PLCG2: variants seen among roughly 807,000 people sequenced by gnomAD.
The protein encoded by PLCG2 is 1-phosphatidylinositol 4,5-bisphosphate phosphodiesterase gamma-2.
Under a neutral mutation model 175.6 loss-of-function variants are expected in PLCG2, and 69 were observed. The ratio of observed to expected loss-of-function variants is 0.39; its 90% CI spans 0.32 to 0.48. The LOEUF (loss-of-function observed/expected upper bound fraction) is 0.48, where lower values mean the gene tolerates loss of function less well. Ranked by LOEUF, PLCG2 falls within the 20% of genes least tolerant of loss-of-function variation. The pLI is 0.91. For missense variants in PLCG2, 1,798 were observed against 1,650.9 expected, an observed-to-expected ratio of 1.09 and a Z score of -1.54; for synonymous variants, 827 against 624.0, an observed-to-expected ratio of 1.33 and a Z score of -4.85.
At chr16:81,835,918 C>T (rs1376802872) in intron 2 of PLCG2, among the ~76,000 whole-genome samples, 1 of 152,118 alleles carries the variant, frequency 6.6e-6, no homozygotes, top group African/African-American at 2.4e-5. Context: ...CCAAATTTCC[C>T]TCTTACAAGG....
At chr16:81,773,904 C>A (rs1333991860) in intron 2 of PLCG2, among the ~76,000 whole-genome samples, 3 of 152,072 alleles carry the variant, frequency 2.0e-5, no homozygotes, top group Non-Finnish European at 4.4e-5. Flanking sequence ...CACTCTGTGC[C>A]CATCATGCAG....
At chr16:81,875,284 C>T (rs1022985975) in intron 7 of PLCG2, among the ~76,000 whole-genome samples, 1 of 152,000 alleles carries the variant, frequency 6.6e-6, no homozygotes, top group East Asian at 1.9e-4. Context: ...GTTTTGTATA[C>T]ATTTAATTCC....
chr16:81,925,142 G>A (rs953647070), intron 22 of PLCG2, among the ~76,000 whole-genome samples: 3 of 152,150 alleles, frequency 2.0e-5, no homozygotes, highest in Non-Finnish European at 2.9e-5. Context: ...TCTGAATTTC[G>A]AAGGCTCTTG....
In PLCG2 at chr16:81,946,897, TA is replaced by T. The variant is rs1911173113; in HGVS notation, c.3570+635del. On this transcript the variant is annotated intron_variant, in intron 31 of 32. Transcript: ENST00000564138. ...CCAGTGAGCATGAAGACCCTTTGCTTAGTGAAGCAGACCCTTTGCTTAGTGA... is the reference window on the plus strand; with the variant it reads ...CCAGTGAGCATGAAGACCCTTTGCTTGTGAAGCAGACCCTTTGCTTAGTGA... Among the ~76,000 whole-genome samples, 8 of 17,384 alleles carry T rather than the reference TA, an allele frequency of 4.6e-4. No individual in the cohort carries two copies. In the South Asian group the frequency reaches 0.024, roughly 52 times the overall value. 11.4% of individuals were successfully genotyped at this position (17,384 alleles called of 152,430 possible).
chr16:81,884,017 T>C (rs560406235), intron 9 of PLCG2, among the ~76,000 whole-genome samples: 1 of 152,224 alleles, frequency 6.6e-6, no homozygotes, highest in Non-Finnish European at 1.5e-5. Context: ...TTCCTAAATA[T>C]CCTACATTGC....
chr16:81,807,000 A>G (rs796544904), intron 2 of PLCG2, among the ~76,000 whole-genome samples: 7 of 152,086 alleles, frequency 4.6e-5, no homozygotes, highest in African/African-American at 1.7e-4. Context: ...TGGATGACGG[A>G]TGACTGATAT....
Position 81,783,889 on chromosome 16 carries a change from T to C in PLCG2, c.-47-2054T>C, listed in dbSNP as rs1488716134. Among the ~76,000 whole-genome samples, 4 of 152,222 alleles carry C rather than the reference T, an allele frequency of 2.6e-5. No homozygotes were observed. The East Asian group carries it at 7.7e-4, about 29-fold the overall frequency. On this transcript the variant is annotated intron_variant, in intron 1 of 32. Coordinates refer to ENST00000564138, the MANE Select transcript of PLCG2 (RefSeq NM_002661.5). ...AGCCTTTGCTTAAACTTAAAGCCAG[T>C]TCCTCCTGCTTCATCTTTTTTGAAA...
intron 2 of PLCG2, among the ~76,000 whole-genome samples, chr16:81,767,235 C>T (rs1597307486): frequency 1.4e-5 from 2 of 142,754 alleles, no homozygotes; most frequent in Non-Finnish European, 3.0e-5. Context: ...ACTTCTGCTT[C>T]CTGGGTTCAA....
chr16:81,909,312 GA>G (rs1301245182), intron 17 of PLCG2, among the ~76,000 whole-genome samples: 1 of 152,166 alleles, frequency 6.6e-6, no homozygotes, highest in African/African-American at 2.4e-5. Flanking sequence ...GAGTTGGGGG[GA>G]TTTGTGAAAG....
At chr16:81,914,834 C>G (rs1909773429) in intron 19 of PLCG2, among the ~76,000 whole-genome samples, 1 of 152,162 alleles carries the variant, frequency 6.6e-6, no homozygotes, top group African/African-American at 2.4e-5. Context: ...GATGGCCGCT[C>G]CCCACCTCAC....
At position 81,816,651 on chromosome 16, in the gene PLCG2, A is replaced by ACTTTTTTTTTTTTTT. The variant is rs1555509092; in HGVS notation, c.193+30469_193+30470insCTTTTTTTTTTTTTT. Among the ~76,000 whole-genome samples, 7 of 108,880 alleles carry ACTTTTTTTTTTTTTT rather than the reference A, an allele frequency of 6.4e-5. 1 individual carries two copies. The highest frequency in any genetic ancestry group is 2.6e-4 in the African/African-American group (7 of 26,504). 71.4% of individuals were successfully genotyped at this position (108,880 alleles called of 152,430 possible). On this transcript the variant is annotated intron_variant, in intron 2 of 32. Transcript: ENST00000564138. ...GCACCACCATGCCCAGCTAATTTTA[A>ACTTTTTTTTTTTTTT]TTTTTTTTTTTTTTTTTTTTTTTTT...
In PLCG2 at chr16:81,938,870, T is replaced by G; in HGVS notation, c.3268T>G (p.Cys1090Gly). 6.2e-7 allele frequency: 1 copy of G among 1,613,436 alleles called. No homozygotes were observed. ...IACPFVEVEI[C>G]GAEYDNNKFK... is the part of the protein sequence containing the mutation. ...CTGTCCCTTTGTAGAAGTGGAGATC[T>G]GTGGAGCCGAGTATGACAACAACAA... Residue 1090 changes from cysteine (C) to glycine (G), a missense_variant, in exon 29 of 33, where the codon TGT becomes GGT. Physicochemically the swap from Cys to Gly is radical, Grantham distance 159. Transcript: ENST00000564138.
chr16:81,903,216 G>A (rs1166586940), intron 14 of PLCG2, among the ~76,000 whole-genome samples: 1 of 152,264 alleles, frequency 6.6e-6, no homozygotes, highest in Non-Finnish European at 1.5e-5. Context: ...ACACAAGGGT[G>A]TGGTGGTGTC....
At chr16:81,800,809 T>C (rs1314984190) in intron 2 of PLCG2, among the ~76,000 whole-genome samples, 3 of 152,108 alleles carry the variant, frequency 2.0e-5, no homozygotes, top group East Asian at 1.9e-4. Context: ...TCCTTGCAGA[T>C]TGAACAGATC....
upstream of PLCG2, among the ~76,000 whole-genome samples, chr16:81,777,880 G>T (rs7198191): frequency 0.56 from 84,596 of 150,726 alleles, 24,168 homozygotes; most frequent in South Asian, 0.75. Context: ...AGCCAAGCAT[G>T]ATGGCATACA....
At chr16:81,894,109 T>C (rs759335088) in intron 12 of PLCG2, among the ~76,000 whole-genome samples, 2 of 151,814 alleles carry the variant, frequency 1.3e-5, no homozygotes, top group South Asian at 2.1e-4. Flanking sequence ...ATCACCTGGA[T>C]TGGGGGGTCT....
At chr16:81,916,442 C>A (rs925916537) in intron 19 of PLCG2, among the ~76,000 whole-genome samples, 1 of 151,886 alleles carries the variant, frequency 6.6e-6, no homozygotes, top group Non-Finnish European at 1.5e-5. Context: ...AGAAACGATG[C>A]CTCTAGATGC....
At chr16:81,938,942 C>A (rs1240270573) in intron 29 of PLCG2, 27 bp downstream of exon 29, 2 of 1,324,466 alleles carry the variant, frequency 1.5e-6, no homozygotes, top group Non-Finnish European at 2.2e-6. Flanking sequence ...GGCCCCTCTG[C>A]TTTTAAACGT....
At chr16:81,794,861 G>C (rs1597322661) in intron 2 of PLCG2, among the ~76,000 whole-genome samples, 1 of 152,172 alleles carries the variant, frequency 6.6e-6, no homozygotes, top group East Asian at 1.9e-4. Context: ...CCGATGGATT[G>C]TCCTGCTCCC....
Sources: gnomAD v4.1 joint callset for allele counts (sites outside exome capture counted in the v4.1 genomes callset) on GRCh38, gnomAD v4.1.1 for gene constraint, MANE v1.5 for transcripts, NCBI Gene and HGNC (gene_info 2026-07-23, HGNC 2026-07-21) for gene names.